The following SYCP2 variants were observed in gnomAD, a reference collection of about 807,000 sequenced individuals.
The protein encoded by SYCP2 is synaptonemal complex protein 2, also known as synaptonemal complex lateral element protein.
Under a neutral mutation model 211.3 loss-of-function variants are expected in SYCP2, and 55 were observed. The observed-to-expected ratio is 0.26, with a 90% CI of 0.21 to 0.33. The LOEUF (loss-of-function observed/expected upper bound fraction) is 0.33, where lower values mean the gene tolerates loss of function less well. Ranked by LOEUF, SYCP2 falls within the 10% of genes least tolerant of loss-of-function variation. The pLI, the probability that SYCP2 is intolerant of heterozygous loss-of-function variation, is 1.00. For missense variants in SYCP2, 1,731 were observed against 1,752.0 expected (o/e 0.99, Z 0.21); for synonymous variants, 570 against 555.2 (o/e 1.03, Z -0.37).
At chr20:59,878,197 G>C in intron 31 of SYCP2, 152 bp from the exon 32 acceptor site, 1 of 574,184 alleles carries the variant, frequency 1.7e-6, no homozygotes, top group Non-Finnish European at 2.9e-6. Context: ...GAACCTCCAT[G>C]TGGCCTCAGG....
At chr20:59,919,319 A>G in intron 6 of SYCP2, 137 bp from the exon 7 acceptor site, 1 of 665,422 alleles carries the variant, frequency 1.5e-6, no homozygotes, top group Non-Finnish European at 2.6e-6. Flanking sequence ...TTATTAACTA[A>G]CCATTTAATT....
At chr20:59,924,951 AAT>A (rs2060608053) in intron 2 of SYCP2, among the ~76,000 whole-genome samples, 1 of 151,802 alleles carries the variant, frequency 6.6e-6, no homozygotes, top group Non-Finnish European at 1.5e-5. Flanking sequence ...GTTCATAAGA[AAT>A]ATAACAAAAC....
In SYCP2 at chr20:59,896,483, C is replaced by T. The variant is rs2060009860; in HGVS notation, c.1450G>A (p.Val484Ile). Residue 484 changes from valine to isoleucine, a missense_variant, in exon 19 of 45, where the codon GTT becomes ATT. Physicochemically the swap from Val to Ile is conservative, Grantham distance 29 (BLOSUM62 3). This residue lies in a region of SYCP2 where 1,387 missense variants were observed against 1,351.3 expected (regional missense o/e 1.03). Transcript: ENST00000357552. ...KRKMSEASMI[V>I]SGADRYTMRS... is the part of the protein sequence containing the mutation. ...ATAGTGTATCTATCTGCACCAGAAACAATCATTGATGCTTCAGACATTTTT... is the reference window on the plus strand; with the variant it reads ...ATAGTGTATCTATCTGCACCAGAAATAATCATTGATGCTTCAGACATTTTT... 1 of 1,610,782 alleles carries T rather than the reference C, an allele frequency of 6.2e-7. No homozygotes were observed. The highest frequency in any genetic ancestry group is 1.7e-5 in the Admixed American group (1 of 59,888).
rs747410190 is a variant in SYCP2, at chr20:59,920,503, T to C, written c.169-16A>G. The C allele has an allele frequency of 7.0e-6, 11 of 1,567,518 alleles. No homozygotes were observed. Among genetic ancestry groups the C allele is most frequent in the African/African-American group, 2.7e-5 (2 of 73,770 alleles). On this transcript the variant is annotated splice_polypyrimidine_tract_variant and intron_variant, in intron 4 of 44. Coordinates refer to ENST00000357552, the MANE Select transcript of SYCP2 (RefSeq NM_014258.4). The stretch of plus-strand genomic sequence containing the variant: ...TATTAAGTTCCTGAAATAAAAGGTA[T>C]ACATTAAAATTTCTGTAAACACAAA...
intron 18 of SYCP2, among the ~76,000 whole-genome samples, chr20:59,896,861 C>T (rs2060018619): frequency 1.3e-5 from 2 of 152,194 alleles, no homozygotes; most frequent in African/African-American, 2.4e-5. Context: ...CTTGCAATTT[C>T]CTATTCTATA....
intron 14 of SYCP2, among the ~76,000 whole-genome samples, chr20:59,910,087 A>G (rs879937327): frequency 1.3e-5 from 2 of 152,184 alleles, no homozygotes; most frequent in Non-Finnish European, 2.9e-5. Context: ...AATATCAGAG[A>G]AACAGCCAGA....
chr20:59,880,651 C>T (rs1375685705), intron 30 of SYCP2, among the ~76,000 whole-genome samples, 180 bp from the exon 31 acceptor site: 1 of 151,644 alleles, frequency 6.6e-6, no homozygotes, highest in African/African-American at 2.4e-5. Context: ...AAGAAAGTCA[C>T]TTGGAAAACC....
chr20:59,885,725 AAAG>A (rs2059774809), intron 26 of SYCP2, among the ~76,000 whole-genome samples, 200 bp downstream of exon 26: 1 of 152,196 alleles, frequency 6.6e-6, no homozygotes. Context: ...CATATGTGTA[AAAG>A]AAGCTTTTTA....
intron 18 of SYCP2, among the ~76,000 whole-genome samples, chr20:59,897,601 C>A (rs1166396122): frequency 6.6e-6 from 1 of 151,424 alleles, no homozygotes; most frequent in Non-Finnish European, 1.5e-5. Context: ...TATAAAGACA[C>A]CAAAAATAGC....
At chr20:59,932,463 G>A (rs1018615433) in intron 1 of SYCP2, among the ~76,000 whole-genome samples, 3 of 152,122 alleles carry the variant, frequency 2.0e-5, no homozygotes, top group Non-Finnish European at 2.9e-5. Flanking sequence ...ATCACCTGAG[G>A]TCAGGAGTTC....
Position 59,913,939 on chromosome 20 carries a change from T to C in SYCP2, c.830+36A>G, listed in dbSNP as rs1361333136. Reference sequence around the variant, plus strand: ...GTGCTCACTCTTGAGCTCTATTTATTTGACAGTAAATGGTTGTATCTTGCA... The same window carrying C: ...GTGCTCACTCTTGAGCTCTATTTATCTGACAGTAAATGGTTGTATCTTGCA... On this transcript the variant is annotated intron_variant, in intron 12 of 44. Coordinates refer to ENST00000357552, the MANE Select transcript of SYCP2 (RefSeq NM_014258.4). The C allele has an allele frequency of 2.6e-6, 4 of 1,518,276 alleles. No homozygotes were observed. In the African/African-American group the frequency reaches 4.2e-5, roughly 16 times the overall value. 94.1% of individuals were successfully genotyped at this position (1,518,276 alleles called of 1,614,324 possible).
At chr20:59,919,367 G>T (rs2060498627) in intron 6 of SYCP2, 126 bp downstream of exon 6, 2 of 760,450 alleles carry the variant, frequency 2.6e-6, no homozygotes, top group Non-Finnish European at 2.2e-6. Context: ...AATCTGAACA[G>T]ACCAATCCAA....
intron 35 of SYCP2, among the ~76,000 whole-genome samples, chr20:59,872,805 CTTCT>C (rs1359388158): frequency 1.3e-5 from 2 of 152,008 alleles, no homozygotes; most frequent in Non-Finnish European, 2.9e-5. Flanking sequence ...AATGCAGGTA[CTTCT>C]TTCAGATTTC....
intron 35 of SYCP2, among the ~76,000 whole-genome samples, chr20:59,872,379 T>C (rs2059469270): frequency 6.6e-6 from 1 of 151,988 alleles, no homozygotes; most frequent in Admixed American, 6.6e-5. Flanking sequence ...GTAATAGCCA[T>C]CTCAGTTATC....
At chr20:59,898,829 AAAT>A (rs1305926394) in intron 18 of SYCP2, among the ~76,000 whole-genome samples, 6 of 152,190 alleles carry the variant, frequency 3.9e-5, no homozygotes, top group African/African-American at 1.2e-4. Flanking sequence ...GTAAAAAAAT[AAAT>A]AATGTTAATG....
intron 28 of SYCP2, 89 bp downstream of exon 28, chr20:59,881,856 G>T: frequency 1.0e-6 from 1 of 983,792 alleles, no homozygotes; most frequent in Non-Finnish European, 1.5e-6. Flanking sequence ...ATATGAGGAT[G>T]CACATTAAAA....
intron 14 of SYCP2, among the ~76,000 whole-genome samples, chr20:59,911,184 T>C (rs976747697): frequency 6.6e-6 from 1 of 152,176 alleles, no homozygotes; most frequent in Non-Finnish European, 1.5e-5. Context: ...TACGAGGTGG[T>C]AGCTATTATG....
chr20:59,915,677 G>A (rs2145852624), intron 8 of SYCP2, 127 bp from the exon 9 acceptor site: 1 of 630,980 alleles, frequency 1.6e-6, no homozygotes, highest in Non-Finnish European at 2.8e-6. Flanking sequence ...TATGGGAATG[G>A]AGTAGGATGG....
chr20:59,925,847 AG>A (rs2060625390), intron 2 of SYCP2, among the ~76,000 whole-genome samples: 3 of 152,064 alleles, frequency 2.0e-5, no homozygotes, highest in Non-Finnish European at 4.4e-5. Context: ...TAAGAAAACC[AG>A]AAGTTCATGA....
Sources: allele counts gnomAD v4.1 joint callset (sites outside exome capture counted in the v4.1 genomes callset), GRCh38; gene constraint gnomAD v4.1.1; regional missense constraint gnomAD v4.1.1; transcripts MANE v1.5; gene names NCBI Gene and HGNC (gene_info 2026-07-23, HGNC 2026-07-21).